The following USP34 variants were observed in gnomAD, a reference collection of about 807,000 sequenced individuals.
The protein encoded by USP34 is ubiquitin specific peptidase 34, also known as ubiquitin carboxyl-terminal hydrolase 34.
USP34 carries 70 observed loss-of-function variants against 460.3 expected under a neutral mutation model. The ratio of observed to expected loss-of-function variants is 0.15; its 90% CI spans 0.13 to 0.19. The LOEUF (loss-of-function observed/expected upper bound fraction) is 0.19. Ranked by LOEUF, USP34 falls within the 10% of genes least tolerant of loss-of-function variation. The pLI, the probability that USP34 is intolerant of heterozygous loss-of-function variation, is 1.00. For missense variants in USP34, 3,985 were observed against 4,236.2 expected, an observed-to-expected ratio of 0.94 and a Z score of 1.65; for synonymous variants, 1,647 against 1,405.3, an observed-to-expected ratio of 1.17 and a Z score of -3.85.
chr2:61,370,300 A>T, intron 10 of USP34, 21 bp downstream of exon 10: 1 of 1,608,754 alleles, frequency 6.2e-7, no homozygotes, highest in Non-Finnish European at 8.5e-7. Context: ...GCACTCAATA[A>T]ATGTGAGCTG....
chr2:61,231,427 C>G (rs1572854853), intron 58 of USP34, among the ~76,000 whole-genome samples: 1 of 152,044 alleles, frequency 6.6e-6, no homozygotes, highest in Admixed American at 6.6e-5. Context: ...AGAATTGTAA[C>G]TTAGGCCAGG....
At chr2:61,418,060 A>G (rs1189858573) in intron 2 of USP34, among the ~76,000 whole-genome samples, 1 of 150,166 alleles carries the variant, frequency 6.7e-6, no homozygotes, top group Non-Finnish European at 1.5e-5. Flanking sequence ...TATAATGCTT[A>G]TAAATATTAA....
intron 5 of USP34, among the ~76,000 whole-genome samples, chr2:61,388,332 C>A (rs890614880): frequency 6.6e-6 from 1 of 151,710 alleles, no homozygotes; most frequent in African/African-American, 2.4e-5. Flanking sequence ...GGATATGCAA[C>A]TAGGGGAACT....
intron 1 of USP34, among the ~76,000 whole-genome samples, chr2:61,448,808 T>C (rs774043680): frequency 7.2e-5 from 11 of 152,092 alleles, no homozygotes; most frequent in Non-Finnish European, 1.5e-4. Context: ...TACAATAGCA[T>C]CAGAAAGAAT....
intron 41 of USP34, among the ~76,000 whole-genome samples, chr2:61,268,112 G>A (rs1222248432): frequency 6.6e-6 from 1 of 152,146 alleles, no homozygotes; most frequent in Non-Finnish European, 1.5e-5. Context: ...TTCACAGAAA[G>A]AAGAACCTAC....
At chr2:61,285,629 T>C (rs749552147) in intron 34 of USP34, among the ~76,000 whole-genome samples, 1 of 152,142 alleles carries the variant, frequency 6.6e-6, no homozygotes, top group Non-Finnish European at 1.5e-5. Context: ...AATATATACA[T>C]GTCAGTGGTT....
At chr2:61,357,514 C>A (rs1435282669) in intron 10 of USP34, among the ~76,000 whole-genome samples, 1 of 152,030 alleles carries the variant, frequency 6.6e-6, no homozygotes, top group Non-Finnish European at 1.5e-5. Context: ...CTAAACTTTA[C>A]AACTTAGGGA....
intron 3 of USP34, 39 bp from the exon 4 acceptor site, chr2:61,395,272 A>G: frequency 8.6e-7 from 1 of 1,159,176 alleles, no homozygotes; most frequent in Non-Finnish European, 1.2e-6. Context: ...TTAGGTTACA[A>G]CTACTAACCT....
At chr2:61,422,656 A>G (rs7587389) in intron 1 of USP34, among the ~76,000 whole-genome samples, 80,915 of 152,104 alleles carry the variant, frequency 0.53, 21,789 homozygotes, top group South Asian at 0.74. Context: ...ATGGAAAGAA[A>G]TCAAGTCACT....
intron 5 of USP34, among the ~76,000 whole-genome samples, chr2:61,387,647 A>G (rs970240981): frequency 6.8e-6 from 1 of 147,298 alleles, no homozygotes; most frequent in Non-Finnish European, 1.5e-5. Context: ...CATATATAAA[A>G]ATATATATTT....
chr2:61,217,912 G>A (rs753311718), intron 67 of USP34, among the ~76,000 whole-genome samples: 2 of 151,994 alleles, frequency 1.3e-5, no homozygotes, highest in Non-Finnish European at 2.9e-5. Context: ...CCGAGATCAC[G>A]CCACTACACT....
At chr2:61,362,383 G>A (rs1692301144) in intron 10 of USP34, among the ~76,000 whole-genome samples, 1 of 152,072 alleles carries the variant, frequency 6.6e-6, no homozygotes, top group Non-Finnish European at 1.5e-5. Context: ...TTATTCCCAA[G>A]AGCCAAGATA....
intron 78 of USP34, 49 bp from the exon 79 acceptor site, chr2:61,189,118 G>T: frequency 6.3e-7 from 1 of 1,577,486 alleles, no homozygotes; most frequent in South Asian, 1.2e-5. Flanking sequence ...CCAACACTTT[G>T]ATGCAGTTGT....
At chr2:61,417,029 T>G (rs1573020235) in intron 2 of USP34, 2 of 1,304,038 alleles carry the variant, frequency 1.5e-6, no homozygotes, top group Non-Finnish European at 2.2e-6. Flanking sequence ...TTCTTCCAGA[T>G]GTGGATCTTC....
intron 76 of USP34, 197 bp from the exon 77 acceptor site, chr2:61,190,855 T>TAA (rs1686619277): frequency 1.8e-6 from 1 of 562,082 alleles, no homozygotes; most frequent in Non-Finnish European, 2.9e-6. Context: ...AGTAAAATGT[T>TAA]ACTAATTTAG....
At chr2:61,234,277 C>T (rs7588041) in intron 57 of USP34, among the ~76,000 whole-genome samples, 104,020 of 152,104 alleles carry the variant, frequency 0.68, 35,778 homozygotes, top group South Asian at 0.8. Flanking sequence ...TATTATATAC[C>T]AGACTGCTAT....
chr2:61,452,905 C>CAAAAAAAAA (rs57925421), intron 1 of USP34, among the ~76,000 whole-genome samples: 2 of 127,136 alleles, frequency 1.6e-5, no homozygotes, highest in African/African-American at 3.0e-5. Flanking sequence ...ACCCCACAAC[C>CAAAAAAAAA]AAAAAAAAAA....
chr2:61,306,607 C>T (rs1455610440), intron 27 of USP34, among the ~76,000 whole-genome samples: 1 of 152,120 alleles, frequency 6.6e-6, no homozygotes, highest in African/African-American at 2.4e-5. Flanking sequence ...TGAAGAAAGT[C>T]ATTGGTAGCT....
intron 53 of USP34, among the ~76,000 whole-genome samples, chr2:61,239,723 C>G (rs1047697043): frequency 6.6e-6 from 1 of 152,010 alleles, no homozygotes; most frequent in African/African-American, 2.4e-5. Flanking sequence ...AGGCAAGATA[C>G]TAGTTAAAAG....
Sources: allele counts gnomAD v4.1 joint callset (sites outside exome capture counted in the v4.1 genomes callset), GRCh38; gene constraint gnomAD v4.1.1; transcripts MANE v1.5; gene names NCBI Gene and HGNC (gene_info 2026-07-23, HGNC 2026-07-21).